The following OSBPL6 variants were observed in gnomAD, a reference collection of about 807,000 sequenced individuals.
OSBPL6 encodes the protein oxysterol-binding protein-related protein 6.
OSBPL6 carries 49 observed loss-of-function variants against 125.8 expected under a neutral mutation model. The ratio of observed to expected loss-of-function variants is 0.39; its 90% CI spans 0.31 to 0.49. The LOEUF is 0.49. Among genes scored for constraint, OSBPL6 ranks in the 20% least tolerant of loss-of-function variants. The probability of loss-of-function intolerance (pLI) is 0.88; values close to 1 mark genes in which losing one functional copy is unlikely to be tolerated. For missense variants in OSBPL6, 986 were observed against 1,135.4 expected (o/e 0.87, Z 1.89); for synonymous variants, 394 against 391.8 (o/e 1.01, Z -0.07).
intron 14 of OSBPL6, 92 bp from the exon 15 acceptor site, chr2:178,373,798 A>G (rs1395092201): frequency 2.1e-6 from 3 of 1,436,800 alleles, no homozygotes; most frequent in East Asian, 2.4e-5. Context: ...TTTAACATAC[A>G]GTATTAAAGA....
chr2:178,303,033 G>A (rs62176069), intron 2 of OSBPL6, among the ~76,000 whole-genome samples: 25,676 of 152,118 alleles, frequency 0.17, 2,332 homozygotes, highest in Admixed American at 0.24. Flanking sequence ...AAGGATCCGA[G>A]CAGTGTCTGT....
chr2:178,309,877 G>T (rs143487501), intron 3 of OSBPL6, among the ~76,000 whole-genome samples: 1 of 152,218 alleles, frequency 6.6e-6, no homozygotes, highest in Non-Finnish European at 1.5e-5. Flanking sequence ...CCCAAAGTGT[G>T]TGCCGAGGAA....
intron 1 of OSBPL6, among the ~76,000 whole-genome samples, chr2:178,218,407 T>A (rs200711820): frequency 0.07 from 6,179 of 88,186 alleles, 137 homozygotes; most frequent in South Asian, 0.14. Context: ...AAAAAAAAAA[T>A]TAAAAAAAAA....
At chr2:178,347,372 A>G (rs1462729532) in intron 11 of OSBPL6, among the ~76,000 whole-genome samples, 1 of 152,130 alleles carries the variant, frequency 6.6e-6, no homozygotes, top group Non-Finnish European at 1.5e-5. Context: ...CTAGTTCCTT[A>G]TATCAGAAAA....
At chr2:178,313,712 A>T (rs1239019970) in intron 3 of OSBPL6, among the ~76,000 whole-genome samples, 1 of 152,244 alleles carries the variant, frequency 6.6e-6, no homozygotes, top group African/African-American at 2.4e-5. Flanking sequence ...TATTTCAATT[A>T]CATGAGTATC....
chr2:178,228,312 T>TGG (rs2090653548), intron 1 of OSBPL6, among the ~76,000 whole-genome samples: 3 of 152,088 alleles, frequency 2.0e-5, no homozygotes, highest in Non-Finnish European at 4.4e-5. Context: ...AAGGTGGGCA[T>TGG]ATCATGAGGT....
chr2:178,264,518 A>T (rs16866195), intron 1 of OSBPL6, among the ~76,000 whole-genome samples: 1,761 of 152,320 alleles, frequency 0.012, 32 homozygotes, highest in African/African-American at 0.041. Context: ...TAATTTCTAA[A>T]TTGCATAGCT....
intron 12 of OSBPL6, among the ~76,000 whole-genome samples, chr2:178,359,552 G>A (rs1692131298): frequency 6.6e-6 from 1 of 152,096 alleles, no homozygotes; most frequent in Non-Finnish European, 1.5e-5. Context: ...CCTCTTCTGG[G>A]CATATATCTA....
chr2:178,379,978 C>G lies in OSBPL6; in HGVS notation c.1534-2442C>G, dbSNP rs559644805. Among the ~76,000 whole-genome samples, 218 of 152,198 alleles carry G rather than the reference C, an allele frequency of 1.4e-3. 1 individual carries two copies. Among genetic ancestry groups the G allele is most frequent in the African/African-American group, 5.0e-3 (209 of 41,530 alleles). On this transcript the variant is annotated intron_variant, in intron 15 of 24. Transcript: ENST00000190611. ...AAAACATTAGCAATAAATCCAGAAA[C>G]CTTAAAGACAAAGACCAGTTGTTTT...
At chr2:178,266,708 C>G (rs1285157524) in intron 1 of OSBPL6, among the ~76,000 whole-genome samples, 1 of 152,214 alleles carries the variant, frequency 6.6e-6, no homozygotes, top group Non-Finnish European at 1.5e-5. Context: ...TCAAGAATCA[C>G]TATGTGCAAC....
At chr2:178,237,653 G>T (rs1236949376) in intron 1 of OSBPL6, among the ~76,000 whole-genome samples, 5 of 152,158 alleles carry the variant, frequency 3.3e-5, no homozygotes. Context: ...ATTCTTTGTT[G>T]TAGGGCACTG....
chr2:178,276,786 T>A (rs2154028006), intron 1 of OSBPL6, among the ~76,000 whole-genome samples: 1 of 152,004 alleles, frequency 6.6e-6, no homozygotes, highest in Non-Finnish European at 1.5e-5. Flanking sequence ...AGAAGAGTTT[T>A]TTTTTTTTTT....
chr2:178,319,963 T>C (rs1688092266), intron 3 of OSBPL6, among the ~76,000 whole-genome samples: 2 of 152,236 alleles, frequency 1.3e-5, no homozygotes, highest in South Asian at 4.1e-4. Context: ...CAATTCTCTT[T>C]ACTACTGTCC....
chr2:178,372,062 A>T, intron 13 of OSBPL6, 64 bp from the exon 14 acceptor site: 1 of 1,221,518 alleles, frequency 8.2e-7, no homozygotes, highest in Non-Finnish European at 1.2e-6. Flanking sequence ...GTACCTGTGT[A>T]CTTGTTCTGT....
At chr2:178,266,242 A>G (rs2092230312) in intron 1 of OSBPL6, among the ~76,000 whole-genome samples, 2 of 152,170 alleles carry the variant, frequency 1.3e-5, no homozygotes, top group South Asian at 4.1e-4. Context: ...GAGCCCCGTG[A>G]ACTATTGGAG....
chr2:178,292,733 G>A (rs1336957935), intron 2 of OSBPL6, among the ~76,000 whole-genome samples: 1 of 152,076 alleles, frequency 6.6e-6, no homozygotes, highest in Non-Finnish European at 1.5e-5. Context: ...AGGAGAGCAG[G>A]AAACAAGACA....
At chr2:178,303,604 C>T (rs1465389494) in intron 2 of OSBPL6, among the ~76,000 whole-genome samples, 1 of 152,140 alleles carries the variant, frequency 6.6e-6, no homozygotes, top group East Asian at 1.9e-4. Context: ...TTTACATCTC[C>T]AGCCTAGATT....
At position 178,223,755 on chromosome 2, in the gene OSBPL6, A is replaced by G. The variant is rs527941968; in HGVS notation, c.-351+29081A>G. The stretch of plus-strand genomic sequence containing the variant: ...ATTGTTACTCATTCTCAAATCTGGT[A>G]TCTTTGGCTCTTTGAAACAGCTTTG... On this transcript the variant is annotated intron_variant, in intron 1 of 24. Transcript: ENST00000190611. 2.5e-3 allele frequency among the ~76,000 whole-genome samples: 374 copies of G among 152,314 alleles called. 13 individuals are homozygous for G. Among genetic ancestry groups the G allele is most frequent in the Admixed American group, 0.024 (374 of 15,292 alleles).
chr2:178,251,536 G>A (rs560690971), intron 1 of OSBPL6, among the ~76,000 whole-genome samples: 9 of 152,100 alleles, frequency 5.9e-5, no homozygotes, highest in East Asian at 5.8e-4. Flanking sequence ...AGAAGGGACA[G>A]TATTCACCAA....
Sources: gnomAD v4.1 joint callset for allele counts (sites outside exome capture counted in the v4.1 genomes callset) on GRCh38, gnomAD v4.1.1 for gene constraint, MANE v1.5 for transcripts, NCBI Gene and HGNC (gene_info 2026-07-23, HGNC 2026-07-21) for gene names.